Variants in LRRC43 observed in about 807,000 individuals in gnomAD.
The protein encoded by LRRC43 is leucine-rich repeat-containing protein 43.
LRRC43 carries 62 observed loss-of-function variants against 64.3 expected under a neutral mutation model. The observed-to-expected ratio is 0.96, with a 90% CI of 0.79 to 1.19. The LOEUF is 1.19. LRRC43 is among the 50% of genes most tolerant of loss of function. The probability of loss-of-function intolerance (pLI) is 0.00; values close to 1 mark genes in which losing one functional copy is unlikely to be tolerated. For synonymous variants in LRRC43, 422 were observed against 382.3 expected (o/e 1.10, Z -1.21); for missense variants, 868 against 845.0 (o/e 1.03, Z -0.34).
At chr12:122,192,499 C>T (rs751372711) in intron 6 of LRRC43, among the ~76,000 whole-genome samples, 7 of 152,154 alleles carry the variant, frequency 4.6e-5, no homozygotes, top group African/African-American at 1.7e-4. Flanking sequence ...CCAAGGATAC[C>T]ATCCAACCAG....
At chr12:122,181,657 G>A (rs1263350677), upstream of LRRC43, among the ~76,000 whole-genome samples, 1 of 148,358 alleles carries the variant, frequency 6.7e-6, no homozygotes, top group African/African-American at 2.5e-5. Context: ...CCAGGCTGGA[G>A]TGCAGTGATG....
At chr12:122,171,739 C>CT (rs531030277) in intron 1 of LRRC43, among the ~76,000 whole-genome samples, 32 of 151,426 alleles carry the variant, frequency 2.1e-4, no homozygotes, top group African/African-American at 7.8e-4. Context: ...TTTTCTCTTT[C>CT]TTTTTTTTAA....
chr12:122,199,001 G>A (rs1400616933), intron 7 of LRRC43, among the ~76,000 whole-genome samples: 1 of 141,566 alleles, frequency 7.1e-6, no homozygotes, highest in East Asian at 2.1e-4. Context: ...TTTTTTTTGA[G>A]ACAGAGTTGC....
At chr12:122,201,106 G>A (rs529251544) in intron 10 of LRRC43, among the ~76,000 whole-genome samples, 172 bp downstream of exon 10, 1 of 152,326 alleles carries the variant, frequency 6.6e-6, no homozygotes, top group Admixed American at 6.5e-5. Context: ...TGCACAGAGG[G>A]CGCCTCCGTG....
At chr12:122,191,970 T>C (rs1445141764) in intron 6 of LRRC43, among the ~76,000 whole-genome samples, 2 of 151,460 alleles carry the variant, frequency 1.3e-5, no homozygotes, top group Admixed American at 1.3e-4. Flanking sequence ...ATGTGGAATC[T>C]GGTGATTCAT....
Position 122,174,306 on chromosome 12 carries a change from T to G in LRRC43, c.-406+6524T>G, listed in dbSNP as rs528317965. The G allele has an allele frequency of 6.0e-6, 6 of 1,001,514 alleles. No individual in the cohort carries two copies. In the African/African-American group the frequency reaches 8.1e-5, roughly 13 times the overall value. The allele number at this position is 1,001,514 out of a possible 1,614,324, so 62.0% of individuals were successfully genotyped here. A position where few individuals can be genotyped will look rare whatever the true frequency, so the allele number is the denominator to read the frequency against. On this transcript the variant is annotated intron_variant, in intron 1 of 5. Transcript: ENST00000537729. ...GCGTCCCGCCCATGGCAAAACCATT[T>G]ACTCAGCTTTTCTCCAGAAAACACT...
intron 11 of LRRC43, 118 bp from the exon 12 acceptor site, chr12:122,203,197 C>CAA: frequency 9.0e-7 from 1 of 1,114,572 alleles, no homozygotes; most frequent in Non-Finnish European, 1.3e-6. Context: ...ACCCGAGGAC[C>CAA]AAAACTGTGC....
In LRRC43 at chr12:122,200,199, T is replaced by C. The variant is rs1331621930; in HGVS notation, c.1360T>C (p.Phe454Leu). The change falls in exon 8 of 12, where the codon TTC becomes CTC. Residue 454 changes from phenylalanine to leucine, a missense_variant. Coordinates refer to ENST00000339777, the MANE Select transcript of LRRC43 (RefSeq NM_001098519.2). This position sits in a 1 kb window ranked among gnomAD's most constrained non-coding sequence, Gnocchi z 4.6. ...CCCTCCCTCCCCAAGGACTGTCCTC[T>C]TCAGCACTGCCCACAAGCCCTGGGC... is the stretch of plus-strand genomic sequence containing the variant. Reference protein sequence around the residue: ...RLCPSPGTVLFSTAHKPWAEV... With the variant: ...RLCPSPGTVLLSTAHKPWAEV... The C allele has an allele frequency of 6.2e-7, 1 of 1,613,732 alleles. No homozygotes were observed. The highest frequency in any genetic ancestry group is 8.5e-7 in the Non-Finnish European group (1 of 1,179,894).
In LRRC43 at chr12:122,187,697, C is replaced by G. The variant is rs778299089; in HGVS notation, c.523-4C>G. 3 of 1,613,154 alleles carry G rather than the reference C, an allele frequency of 1.9e-6. No homozygotes were observed. The highest frequency in any genetic ancestry group is 2.5e-6 in the Non-Finnish European group (3 of 1,179,982). On this transcript the variant is annotated splice_region_variant and splice_polypyrimidine_tract_variant and intron_variant, in intron 3 of 11. Coordinates refer to ENST00000339777, the MANE Select transcript of LRRC43 (RefSeq NM_001098519.2). Reference sequence around the variant, plus strand: ...CGTCCCGGGCCTTCCGTGTGGTCTCCCAGGTGCTGGAGCTCTACGGCAATG... The same window carrying G: ...CGTCCCGGGCCTTCCGTGTGGTCTCGCAGGTGCTGGAGCTCTACGGCAATG...
chr12:122,195,643 A>G (rs1323527205), intron 7 of LRRC43, among the ~76,000 whole-genome samples: 3 of 152,008 alleles, frequency 2.0e-5, no homozygotes, highest in African/African-American at 4.8e-5. Context: ...GTCTGTCATG[A>G]GTCATTTTTC....
In LRRC43 at chr12:122,173,857, A is replaced by G. The variant is rs776211953; in HGVS notation, c.-406+6075A>G. The G allele has an allele frequency of 1.9e-6, 3 of 1,613,872 alleles. No homozygotes were observed. The South Asian group carries it at 3.3e-5, about 18-fold the overall frequency. On this transcript the variant is annotated intron_variant, in intron 1 of 5. Coordinates refer to the LRRC43 transcript ENST00000537729. ...TAGGACACTCACATCTTTCAAAAGC[A>G]TCTTCGAGAGGGACTGTAATTCCTC...
chr12:122,178,576 G>T (rs987719085), upstream of LRRC43, among the ~76,000 whole-genome samples: 2 of 147,464 alleles, frequency 1.4e-5, no homozygotes, highest in African/African-American at 5.0e-5. Flanking sequence ...CGTAAGAGGT[G>T]GCTTTCTTTT....
At chr12:122,190,616 A>G (rs553620504) in intron 5 of LRRC43, among the ~76,000 whole-genome samples, 2 of 152,294 alleles carry the variant, frequency 1.3e-5, no homozygotes, top group Non-Finnish European at 2.9e-5. Flanking sequence ...TAATCCCAGC[A>G]TTTTGGGAGG....
chr12:122,185,640 G>C (rs1192939236), intron 2 of LRRC43, among the ~76,000 whole-genome samples: 1 of 152,204 alleles, frequency 6.6e-6, no homozygotes, highest in Non-Finnish European at 1.5e-5. Flanking sequence ...GGGACAAATA[G>C]GGTGACTGAC....
chr12:122,187,146 G>A (rs1419167665), intron 3 of LRRC43, among the ~76,000 whole-genome samples: 9 of 151,784 alleles, frequency 5.9e-5, no homozygotes, highest in Non-Finnish European at 1.0e-4. Context: ...CAGGAGAATC[G>A]CTTGAACCCA....
In LRRC43 at chr12:122,184,607, C is replaced by A. The variant is rs753792682; in HGVS notation, c.239C>A (p.Thr80Lys). ...EEDVVSPGEE[T>K]VEALLGLVRS... is the part of the protein sequence containing the mutation. The stretch of plus-strand genomic sequence containing the variant: ...GATGTGGTGAGCCCCGGAGAGGAGA[C>A]GGTGGAGGCCCTGCTGGGCCTGGTC... The change falls in exon 2 of 12, where the codon ACG (threonine) becomes AAG (lysine). Residue 80 changes from threonine to lysine, a missense_variant. Thr to Lys is a moderately conservative substitution (Grantham distance 78). Transcript: ENST00000339777. This position sits in a 1 kb window ranked among gnomAD's most constrained non-coding sequence, Gnocchi z 4.0. 3 of 1,613,888 alleles carry A rather than the reference C, an allele frequency of 1.9e-6. No homozygotes were observed. The Admixed American group carries it at 5.0e-5, about 27-fold the overall frequency.
chr12:122,183,063 C>G, upstream of LRRC43: 4 of 1,471,740 alleles, frequency 2.7e-6, no homozygotes, highest in South Asian at 2.6e-5. Context: ...GGACTTTTCC[C>G]TCGGGGCAGG....
At chr12:122,167,823 T>TTC (rs1330036724) in intron 1 of LRRC43, 1 of 151,590 alleles carries the variant, frequency 6.6e-6, no homozygotes, top group East Asian at 2.0e-4. Context: ...AAAAAGTTTT[T>TTC]TTTTTTTTTG....
At chr12:122,201,002 A>G in intron 10 of LRRC43, 68 bp downstream of exon 10, 9 of 1,511,168 alleles carry the variant, frequency 6.0e-6, no homozygotes, top group Non-Finnish European at 7.1e-6. Context: ...CCCGCGGGCA[A>G]GCAAGGGCTG....
Sources: allele counts gnomAD v4.1 joint callset (sites outside exome capture counted in the v4.1 genomes callset), GRCh38; gene constraint gnomAD v4.1.1; non-coding constraint Gnocchi (gnomAD v3.1); transcripts MANE v1.5; gene names NCBI Gene and HGNC (gene_info 2026-07-23, HGNC 2026-07-21).